TLN2: variants seen among roughly 807,000 people sequenced by gnomAD.
TLN2 encodes talin 2.
A neutral mutation model predicts 294.7 loss-of-function variants in TLN2; 118 were observed. That is an observed-to-expected ratio of 0.40 (90% confidence interval 0.34 to 0.47). The LOEUF (loss-of-function observed/expected upper bound fraction) is 0.47. TLN2 is among the 20% of genes least tolerant of loss of function. TLN2 has a pLI of 0.84. For synonymous variants in TLN2, 1,431 were observed against 1,304.5 expected (o/e 1.10, Z -2.09); for missense variants, 3,083 against 3,282.2 (o/e 0.94, Z 1.48).
intron 52 of TLN2, among the ~76,000 whole-genome samples, chr15:62,810,468 A>G (rs1203633515): frequency 1.3e-5 from 2 of 152,152 alleles, no homozygotes; most frequent in African/African-American, 4.8e-5. Flanking sequence ...CAGTGCTGCA[A>G]GTGACCCACC....
chr15:62,740,862 A>G (rs1168970478), intron 32 of TLN2, 93 bp downstream of exon 32: 1 of 1,543,692 alleles, frequency 6.5e-7, no homozygotes, highest in East Asian at 2.3e-5. Context: ...TTTGCTGAGC[A>G]AAAGAATTGG....
chr15:62,692,103 C>T (rs557419985), intron 12 of TLN2, among the ~76,000 whole-genome samples: 1 of 152,352 alleles, frequency 6.6e-6, no homozygotes, highest in African/African-American at 2.4e-5. Flanking sequence ...TCTCTGAGCC[C>T]TTTCATTGCT....
chr15:62,426,786 T>C (rs1268685539), intron 1 of TLN2, among the ~76,000 whole-genome samples: 1 of 152,092 alleles, frequency 6.6e-6, no homozygotes, highest in Non-Finnish European at 1.5e-5. Context: ...GGGGACAGAG[T>C]TGACCACAGT....
intron 1 of TLN2, among the ~76,000 whole-genome samples, chr15:62,459,538 G>A (rs2036673175): frequency 2.0e-5 from 3 of 152,142 alleles, no homozygotes; most frequent in Admixed American, 2.0e-4. Context: ...GTGTGTGCAT[G>A]CCTGTGTGTA....
intron 58 of TLN2, 96 bp from the exon 59 acceptor site, chr15:62,840,386 G>C (rs190235876): frequency 2.0e-6 from 3 of 1,525,204 alleles, no homozygotes; most frequent in Non-Finnish European, 2.7e-6. Context: ...AGTGTCCCAC[G>C]GTCGCGGGAG....
At chr15:62,575,999 T>A (rs2044362527) in intron 1 of TLN2, among the ~76,000 whole-genome samples, 1 of 152,236 alleles carries the variant, frequency 6.6e-6, no homozygotes. Flanking sequence ...AATTGGGAAC[T>A]GCTTTTTAAA....
At chr15:62,580,955 C>G (rs1415696305) in intron 1 of TLN2, among the ~76,000 whole-genome samples, 1 of 150,628 alleles carries the variant, frequency 6.6e-6, no homozygotes, top group Non-Finnish European at 1.5e-5. Context: ...AGGATCTCGG[C>G]TCTCAGCAAC....
At chr15:62,741,474 C>G (rs1183929428) in intron 32 of TLN2, among the ~76,000 whole-genome samples, 2 of 152,092 alleles carry the variant, frequency 1.3e-5, no homozygotes, top group East Asian at 1.9e-4. Flanking sequence ...AGTGACAGCC[C>G]AGGGGGTTCT....
intron 1 of TLN2, among the ~76,000 whole-genome samples, chr15:62,543,218 G>T (rs559576030): frequency 9.2e-5 from 14 of 152,254 alleles, no homozygotes; most frequent in Admixed American, 8.5e-4. Context: ...GGAAGCCTTT[G>T]GTCTTAAGTC....
chr15:62,744,691 C>T (rs936505579), intron 32 of TLN2, among the ~76,000 whole-genome samples: 9 of 152,072 alleles, frequency 5.9e-5, no homozygotes, highest in Admixed American at 2.0e-4. Context: ...GGATTACAGG[C>T]GCATGCCACC....
intron 51 of TLN2, among the ~76,000 whole-genome samples, chr15:62,808,900 G>C (rs2141169762): frequency 6.6e-6 from 1 of 152,322 alleles, no homozygotes; most frequent in Non-Finnish European, 1.5e-5. Context: ...TAAGTCAAGG[G>C]GGGAGCCCAA....
At chr15:62,665,825 C>T (rs2054563304) in intron 9 of TLN2, among the ~76,000 whole-genome samples, 1 of 152,154 alleles carries the variant, frequency 6.6e-6, no homozygotes. Flanking sequence ...TCTGTGTGTG[C>T]TTTTGTCAGA....
At chr15:62,541,842 G>A (rs2041709915) in intron 1 of TLN2, among the ~76,000 whole-genome samples, 1 of 151,906 alleles carries the variant, frequency 6.6e-6, no homozygotes, top group African/African-American at 2.4e-5. Flanking sequence ...CAAGATGTTT[G>A]TTTTCATTTT....
chr15:62,769,424 C>T (rs1035092168), intron 41 of TLN2, among the ~76,000 whole-genome samples: 15 of 152,282 alleles, frequency 9.9e-5, no homozygotes, highest in African/African-American at 3.6e-4. Context: ...CATGCTCTGC[C>T]CTGGCGTCGC....
chr15:62,715,913 A>G (rs1178041409), intron 22 of TLN2, among the ~76,000 whole-genome samples: 2 of 151,944 alleles, frequency 1.3e-5, no homozygotes, highest in Non-Finnish European at 2.9e-5. Flanking sequence ...ACCCCTTCAC[A>G]TTTACCTGTG....
At chr15:62,595,497 G>T (rs1158375154) in intron 2 of TLN2, among the ~76,000 whole-genome samples, 2 of 150,872 alleles carry the variant, frequency 1.3e-5, no homozygotes, top group African/African-American at 4.9e-5. Context: ...TCACTGGAAA[G>T]AATGTAAGTT....
chr15:62,457,191 G>T (rs1232830998), intron 1 of TLN2, among the ~76,000 whole-genome samples: 2 of 152,204 alleles, frequency 1.3e-5, no homozygotes, highest in Admixed American at 6.5e-5. Context: ...TTGGGTTCTG[G>T]TGTGGGCCTT....
At chr15:62,740,914 A>T (rs1442719676) in intron 32 of TLN2, 145 bp downstream of exon 32, 1 of 982,666 alleles carries the variant, frequency 1.0e-6, no homozygotes, top group South Asian at 1.8e-5. Context: ...AGAGTGATGG[A>T]CACTCTGATA....
intron 1 of TLN2, among the ~76,000 whole-genome samples, chr15:62,510,807 T>A (rs1297886092): frequency 6.6e-6 from 1 of 152,232 alleles, no homozygotes; most frequent in Non-Finnish European, 1.5e-5. Flanking sequence ...ATTAATAGAA[T>A]GTGTTTTTAT....
Sources: allele counts gnomAD v4.1 joint callset (sites outside exome capture counted in the v4.1 genomes callset), GRCh38; gene constraint gnomAD v4.1.1; transcripts MANE v1.5; gene names NCBI Gene and HGNC (gene_info 2026-07-23, HGNC 2026-07-21).